PLXDC2: variants seen among roughly 807,000 people sequenced by gnomAD.
PLXDC2 encodes plexin domain containing 2.
In PLXDC2, 40 loss-of-function variants were observed where a neutral mutation model predicts 68.9. The observed-to-expected ratio is 0.58, with a 90% CI of 0.45 to 0.76. The LOEUF is 0.76. Ranked by LOEUF, PLXDC2 falls within the 30% of genes least tolerant of loss-of-function variation. The probability of loss-of-function intolerance (pLI) is 0.00; values close to 1 mark genes in which losing one functional copy is unlikely to be tolerated. For synonymous variants in PLXDC2, 243 were observed against 234.2 expected, an observed-to-expected ratio of 1.04 and a Z score of -0.34; for missense variants, 644 against 661.9, an observed-to-expected ratio of 0.97 and a Z score of 0.30.
At chr10:20,236,898 C>A (rs1835439789) in intron 12 of PLXDC2, among the ~76,000 whole-genome samples, 1 of 151,990 alleles carries the variant, frequency 6.6e-6, no homozygotes, top group Middle Eastern at 3.2e-3. Flanking sequence ...TATCCCAAAT[C>A]CCTCATTTTG....
intron 1 of PLXDC2, among the ~76,000 whole-genome samples, chr10:19,963,469 G>A (rs1237200396): frequency 6.6e-6 from 1 of 152,096 alleles, no homozygotes; most frequent in African/African-American, 2.4e-5. Context: ...AAACATATGT[G>A]TGCATGTCAC....
At chr10:19,870,261 G>A (rs1239305555) in intron 1 of PLXDC2, among the ~76,000 whole-genome samples, 2 of 152,080 alleles carry the variant, frequency 1.3e-5, no homozygotes, top group African/African-American at 4.8e-5. Context: ...AATCAACTAG[G>A]GTAGTTCAGC....
intron 13 of PLXDC2, among the ~76,000 whole-genome samples, chr10:20,247,116 C>T (rs984819247): frequency 1.3e-5 from 2 of 151,934 alleles, no homozygotes; most frequent in Admixed American, 6.6e-5. Context: ...CTGTACACAG[C>T]CCAAATTCTC....
intron 9 of PLXDC2, among the ~76,000 whole-genome samples, chr10:20,201,517 A>G (rs970137172): frequency 1.3e-5 from 2 of 151,950 alleles, no homozygotes; most frequent in Admixed American, 6.6e-5. Flanking sequence ...ATACAAAACT[A>G]TATAACAATA....
chr10:19,863,972 G>A (rs1837367639), intron 1 of PLXDC2, among the ~76,000 whole-genome samples: 1 of 152,232 alleles, frequency 6.6e-6, no homozygotes, highest in South Asian at 2.1e-4. Flanking sequence ...GGAGCAAAAT[G>A]CATAAATTGA....
chr10:20,077,463 A>G (rs1836471607), intron 4 of PLXDC2, among the ~76,000 whole-genome samples: 1 of 152,232 alleles, frequency 6.6e-6, no homozygotes. Flanking sequence ...TAATAGATCT[A>G]AATATTTTGT....
chr10:20,232,523 A>T (rs1835378591), intron 12 of PLXDC2, among the ~76,000 whole-genome samples: 1 of 152,220 alleles, frequency 6.6e-6, no homozygotes, highest in South Asian at 2.1e-4. Flanking sequence ...TGCATGTTAC[A>T]CAAGGGGTTA....
intron 7 of PLXDC2, among the ~76,000 whole-genome samples, chr10:20,170,666 T>A (rs1834435987): frequency 6.6e-6 from 1 of 152,088 alleles, no homozygotes; most frequent in South Asian, 2.1e-4. Context: ...ATGTTGTGAA[T>A]CTGAATCGTA....
chr10:20,200,890 C>A (rs1336156220), intron 9 of PLXDC2, among the ~76,000 whole-genome samples: 3 of 151,980 alleles, frequency 2.0e-5, no homozygotes, highest in African/African-American at 7.2e-5. Context: ...ATGCTGCTGA[C>A]AAGGACATGG....
intron 3 of PLXDC2, among the ~76,000 whole-genome samples, chr10:20,067,793 G>A (rs551006035): frequency 1.4e-4 from 21 of 152,050 alleles, no homozygotes; most frequent in African/African-American, 4.6e-4. Flanking sequence ...AATTAAAAAT[G>A]TAATAATGTA....
At chr10:20,030,283 C>T (rs1835478660) in intron 2 of PLXDC2, among the ~76,000 whole-genome samples, 1 of 152,124 alleles carries the variant, frequency 6.6e-6, no homozygotes. Flanking sequence ...CCTGCAGTTC[C>T]TTTTATAAGG....
rs1362355204 is a variant in PLXDC2 at position 19,976,738 on chromosome 10, T to C, written c.113-25037T>C. ...TTTAATTTTCTCCCCCTCTATATTT[T>C]ACTTGTTCTCTCCCTTTTGTGTGTG... is the stretch of plus-strand genomic sequence containing the variant. On this transcript the variant is annotated intron_variant, in intron 1 of 13. Transcript: ENST00000377252. Among the ~76,000 whole-genome samples, 5 of 152,276 alleles carry C rather than the reference T, an allele frequency of 3.3e-5. No individual in the cohort carries two copies. In the South Asian group the frequency reaches 6.2e-4, roughly 19 times the overall value.
intron 7 of PLXDC2, among the ~76,000 whole-genome samples, chr10:20,166,109 G>A (rs1032274927): frequency 8.6e-5 from 13 of 151,926 alleles, no homozygotes; most frequent in African/African-American, 3.1e-4. Context: ...ATGTTCTTTG[G>A]TTGTGACTTG....
intron 13 of PLXDC2, among the ~76,000 whole-genome samples, chr10:20,262,757 G>A (rs1182255815): frequency 6.6e-6 from 1 of 152,220 alleles, no homozygotes; most frequent in Non-Finnish European, 1.5e-5. Context: ...ATCTGAGGTG[G>A]CTAGGGACTG....
chr10:20,268,683 T>C (rs186667485), intron 13 of PLXDC2, among the ~76,000 whole-genome samples: 68 of 152,312 alleles, frequency 4.5e-4, no homozygotes, highest in African/African-American at 1.1e-3. Flanking sequence ...AGAAATACAC[T>C]GGCACTCCAG....
chr10:19,840,646 T>G (rs1836887091), intron 1 of PLXDC2, among the ~76,000 whole-genome samples: 1 of 152,140 alleles, frequency 6.6e-6, no homozygotes, highest in Non-Finnish European at 1.5e-5. Context: ...ATGTATACAT[T>G]CTTATTTCAT....
chr10:19,888,006 G>T (rs896097139), intron 1 of PLXDC2, among the ~76,000 whole-genome samples: 1 of 152,208 alleles, frequency 6.6e-6, no homozygotes, highest in Non-Finnish European at 1.5e-5. Flanking sequence ...GCAGTTTGCT[G>T]TGTGGTCTTG....
chr10:20,169,999 G>T (rs568016911), intron 7 of PLXDC2, among the ~76,000 whole-genome samples: 2 of 152,164 alleles, frequency 1.3e-5, no homozygotes, highest in East Asian at 3.9e-4. Flanking sequence ...GTGTTACAAT[G>T]CACCTTTGCT....
intron 13 of PLXDC2, among the ~76,000 whole-genome samples, chr10:20,277,097 T>C (rs1369307242): frequency 6.7e-6 from 1 of 150,006 alleles, no homozygotes; most frequent in African/African-American, 2.5e-5. Context: ...TAATCCCAGC[T>C]ACTCAGGAGG....
Sources: allele counts gnomAD v4.1 joint callset (sites outside exome capture counted in the v4.1 genomes callset), GRCh38; gene constraint gnomAD v4.1.1; transcripts MANE v1.5; gene names NCBI Gene and HGNC (gene_info 2026-07-23, HGNC 2026-07-21).